The following SCLY variants were observed in gnomAD, a reference collection of about 807,000 sequenced individuals.
SCLY encodes putative selenocysteine lyase.
SCLY carries 38 observed loss-of-function variants against 50.1 expected under a neutral mutation model. That is an observed-to-expected ratio of 0.76 (90% CI 0.59 to 0.99). The LOEUF is 0.99. SCLY is among the 50% of genes least tolerant of loss of function. The probability of loss-of-function intolerance (pLI) is 0.00; values close to 1 mark genes in which losing one functional copy is unlikely to be tolerated. For missense variants in SCLY, 600 were observed against 620.0 expected, an observed-to-expected ratio of 0.97 and a Z score of 0.34; for synonymous variants, 243 against 249.4, an observed-to-expected ratio of 0.97 and a Z score of 0.24.
chr2:238,081,821 G>A lies in SCLY; in HGVS notation c.597G>A (p.Glu199=), dbSNP rs2065240815. Residue 199 remains glutamate (E), a synonymous_variant, in exon 5 of 12, where the codon GAG becomes GAA. Transcript: ENST00000254663. Reference sequence around the variant, plus strand: ...TGACCATCATGCTGGCCAACAATGAGACTGGCATTGTCATGGTGAGTCGGC... The same window carrying A: ...TGACCATCATGCTGGCCAACAATGAAACTGGCATTGTCATGGTGAGTCGGC... The part of the protein sequence containing the change: ...RLVTIMLANN[E]TGIVMPVPEI... 1 of 1,613,974 alleles carries A rather than the reference G, an allele frequency of 6.2e-7. No homozygotes were observed.
chr2:238,065,324 C>T (rs2249674), intron 2 of SCLY, among the ~76,000 whole-genome samples: 109,592 of 152,146 alleles, frequency 0.72, 40,519 homozygotes, highest in East Asian at 0.93. Context: ...CACATTGCCT[C>T]GTATCCAGTC....
rs2065249835 is a variant in SCLY, at chr2:238,082,591, C to T, written c.777+382C>T. ...GGTGGAAGATGTAGGGACAGGAAATCGTTGCTTTCTCTAATGTGATTTCAG... is the reference window on the plus strand; with the variant it reads ...GGTGGAAGATGTAGGGACAGGAAATTGTTGCTTTCTCTAATGTGATTTCAG... On this transcript the variant is annotated intron_variant, in intron 6 of 11. Coordinates refer to ENST00000254663, the MANE Select transcript of SCLY (RefSeq NM_016510.7). 5 of 212,080 alleles carry T rather than the reference C, an allele frequency of 2.4e-5. 1 individual carries two copies. The highest frequency in any genetic ancestry group is 1.1e-4 in the South Asian group (1 of 9,098). The allele number at this position is 212,080 out of a possible 1,614,324, so 13.1% of individuals were successfully genotyped here.
chr2:238,082,572 A>G (rs1276553686), intron 6 of SCLY, among the ~76,000 whole-genome samples: 1 of 152,220 alleles, frequency 6.6e-6, no homozygotes, highest in Non-Finnish European at 1.5e-5. Context: ...GTGGGGTGGA[A>G]GATGTAGGGA....
chr2:238,073,828 C>T (rs1209045166), intron 4 of SCLY: 1 of 455,396 alleles, frequency 2.2e-6, no homozygotes, highest in Admixed American at 2.4e-5. Flanking sequence ...TTATGATGAT[C>T]TGCTTCCACT....
Position 238,061,066 on chromosome 2 carries a change from C to T in SCLY, c.12C>T (p.Ala4=), listed in dbSNP as rs1478907907. The part of the protein sequence containing the change: MEA[A]VAPGRDAPAP... ...GCAGTGGGGCGGGGATGGAGGCGGC[C>T]GTGGCGCCGGGGAGGGATGCGCCGG... is the stretch of plus-strand genomic sequence containing the variant. The change falls in exon 1 of 12, where the codon GCC becomes GCT. Residue 4 remains alanine, a synonymous_variant. Coordinates refer to ENST00000254663, the MANE Select transcript of SCLY (RefSeq NM_016510.7). 3 of 1,389,638 alleles carry T rather than the reference C, an allele frequency of 2.2e-6. No homozygotes were observed. The highest frequency in any genetic ancestry group is 2.8e-6 in the Non-Finnish European group (3 of 1,082,338). The allele number at this position is 1,389,638 out of a possible 1,614,324, so 86.1% of individuals were successfully genotyped here. A position where few individuals can be genotyped will look rare whatever the true frequency, so the allele number is the denominator to read the frequency against.
chr2:238,094,345 A>T, intron 9 of SCLY, 75 bp from the exon 10 acceptor site: 1 of 1,240,362 alleles, frequency 8.1e-7, no homozygotes, highest in Middle Eastern at 1.9e-4. Context: ...GTTTCTGGAA[A>T]AGTCTAAATT....
At chr2:238,092,335 T>G (rs908659554) in intron 8 of SCLY, 2 of 152,404 alleles carry the variant, frequency 1.3e-5, no homozygotes, top group African/African-American at 4.8e-5. Context: ...CCACCCGCCT[T>G]GGCCTCCCAA....
chr2:238,064,225 C>T, intron 1 of SCLY, 132 bp from the exon 2 acceptor site: 1 of 474,472 alleles, frequency 2.1e-6, no homozygotes, highest in Non-Finnish European at 3.7e-6. Context: ...TGGATGCCTG[C>T]AGTGCTTATG....
intron 4 of SCLY, among the ~76,000 whole-genome samples, chr2:238,076,620 T>C (rs1468829931): frequency 6.6e-6 from 1 of 151,906 alleles, no homozygotes; most frequent in Non-Finnish European, 1.5e-5. Flanking sequence ...GAGACCTTTG[T>C]TCACTTGTTT....
Position 238,094,490 on chromosome 2 carries a change from G to A in SCLY, c.1076G>A (p.Cys359Tyr). ...GGCACCCAGCGGCTTCCCAATACCTGTAACTTTTCCATCCGGGGACCCCGG... is the reference window on the plus strand; with the variant it reads ...GGCACCCAGCGGCTTCCCAATACCTATAACTTTTCCATCCGGGGACCCCGG... ...FPGTQRLPNT[C>Y]NFSIRGPRLQ... The change falls in exon 10 of 12, where the codon TGT becomes TAT. Residue 359 changes from cysteine (C) to tyrosine (Y), a missense_variant. Cys to Tyr is a radical substitution (Grantham distance 194, BLOSUM62 -2). Coordinates refer to ENST00000254663, the MANE Select transcript of SCLY (RefSeq NM_016510.7). 2 of 1,614,186 alleles carry A rather than the reference G, an allele frequency of 1.2e-6. No homozygotes were observed. Among genetic ancestry groups the A allele is most frequent in the Non-Finnish European group, 1.7e-6 (2 of 1,180,026 alleles).
chr2:238,098,964 C>T lies in SCLY; in HGVS notation c.*609C>T, dbSNP rs376131894. The T allele has an allele frequency of 8.3e-4, 226 of 273,294 alleles. 2 individuals carry two copies. Among genetic ancestry groups the T allele is most frequent in the Middle Eastern group, 3.9e-3 (3 of 770 alleles). 16.9% of individuals were successfully genotyped at this position (273,294 alleles called of 1,614,324 possible). On this transcript the variant is annotated 3_prime_UTR_variant, in exon 12 of 12. Transcript: ENST00000254663. ...CTCTGGCCTCAGTGCACAGTGGCCC[C>T]CAGCCTCGGCCAGGCCTGCTCTGCT...
At chr2:238,075,711 T>C (rs960587234) in intron 4 of SCLY, among the ~76,000 whole-genome samples, 1 of 152,200 alleles carries the variant, frequency 6.6e-6, no homozygotes, top group Non-Finnish European at 1.5e-5. Flanking sequence ...GTAAGATTTA[T>C]AGATCCCTTT....
chr2:238,094,281 C>T (rs2065401421), intron 9 of SCLY, 139 bp from the exon 10 acceptor site: 10 of 742,570 alleles, frequency 1.3e-5, no homozygotes, highest in Non-Finnish European at 1.4e-5. Flanking sequence ...TAGTCCGTCC[C>T]CGTAACTATT....
chr2:238,085,268 A>C (rs1345292694), intron 7 of SCLY, among the ~76,000 whole-genome samples: 2 of 152,216 alleles, frequency 1.3e-5, no homozygotes, highest in Admixed American at 6.5e-5. Flanking sequence ...ACATAAAAGA[A>C]GAACCAAATG....
intron 4 of SCLY, among the ~76,000 whole-genome samples, chr2:238,078,027 C>T (rs756910476): frequency 4.0e-5 from 6 of 151,136 alleles, no homozygotes; most frequent in Non-Finnish European, 8.8e-5. Flanking sequence ...GATCTTGGCT[C>T]ACTGCCACCT....
rs1445084463 is a variant in SCLY, at chr2:238,083,093, G to A, written c.778-155G>A. On this transcript the variant is annotated intron_variant, in intron 6 of 11. Transcript: ENST00000254663. This position sits in a 1 kb window ranked among gnomAD's most constrained non-coding sequence, Gnocchi z 4.3. ...GCCCCGAAGGCTTTTGTGACTCTGC[G>A]TGTCAAAAGGGGTGGCACTCAGAGG... 5 of 710,342 alleles carry A rather than the reference G, an allele frequency of 7.0e-6. No individual in the cohort carries two copies. Among genetic ancestry groups the A allele is most frequent in the East Asian group, 2.8e-5 (1 of 36,172 alleles). 44.0% of individuals were successfully genotyped at this position (710,342 alleles called of 1,614,324 possible).
intron 7 of SCLY, among the ~76,000 whole-genome samples, chr2:238,086,762 G>C (rs2065302341): frequency 6.9e-6 from 1 of 145,680 alleles, no homozygotes; most frequent in South Asian, 2.2e-4. Flanking sequence ...GCTCACGCCT[G>C]TTATCCCAGC....
intron 8 of SCLY, chr2:238,092,683 G>C (rs1045982282): frequency 2.0e-5 from 3 of 152,470 alleles, no homozygotes; most frequent in African/African-American, 7.3e-5. Flanking sequence ...TGCCACAGCT[G>C]GGTCCCAGCC....
At chr2:238,077,435 G>A (rs775050075) in intron 4 of SCLY, among the ~76,000 whole-genome samples, 16 of 152,290 alleles carry the variant, frequency 1.1e-4, no homozygotes, top group Middle Eastern at 6.8e-3. Context: ...ATTAATGATA[G>A]CCGTAAGGCC....
Sources: allele counts gnomAD v4.1 joint callset (sites outside exome capture counted in the v4.1 genomes callset), GRCh38; gene constraint gnomAD v4.1.1; non-coding constraint Gnocchi (gnomAD v3.1); transcripts MANE v1.5; gene names NCBI Gene and HGNC (gene_info 2026-07-23, HGNC 2026-07-21).